CDH13: variants seen among roughly 807,000 people sequenced by gnomAD.
The protein encoded by CDH13 is cadherin-13.
A neutral mutation model predicts 63.8 loss-of-function variants in CDH13; 24 were observed. The ratio of observed to expected loss-of-function variants is 0.38; its 90% confidence interval spans 0.27 to 0.53. The LOEUF is 0.53. CDH13 is among the 20% of genes least tolerant of loss of function. The pLI is 0.85. For synonymous variants in CDH13, 503 were observed against 355.3 expected (o/e 1.42, Z -4.67); for missense variants, 1,049 against 903.1 (o/e 1.16, Z -2.07).
intron 7 of CDH13, among the ~76,000 whole-genome samples, chr16:83,514,661 G>A (rs1467413702): frequency 6.6e-6 from 1 of 152,056 alleles, no homozygotes; most frequent in Non-Finnish European, 1.5e-5. Context: ...AAAAAGAGAA[G>A]AAGAGGAGAG....
chr16:83,311,176 A>G (rs2089992082), intron 5 of CDH13, among the ~76,000 whole-genome samples: 1 of 152,172 alleles, frequency 6.6e-6, no homozygotes, highest in Non-Finnish European at 1.5e-5. Context: ...TACTTGTCAT[A>G]TGAATCAGTA....
intron 3 of CDH13, among the ~76,000 whole-genome samples, chr16:83,038,179 T>C (rs962393919): frequency 4.6e-5 from 7 of 152,218 alleles, no homozygotes; most frequent in African/African-American, 1.7e-4. Context: ...TAATCACAGT[T>C]AAGCCTATTT....
chr16:82,755,716 C>G (rs1459531092), intron 1 of CDH13, among the ~76,000 whole-genome samples: 1 of 152,184 alleles, frequency 6.6e-6, no homozygotes, highest in East Asian at 1.9e-4. Context: ...ATGAGCAAAA[C>G]TGAACCAAAC....
chr16:82,700,524 T>A (rs199577994), intron 1 of CDH13, among the ~76,000 whole-genome samples: 1 of 31,860 alleles, frequency 3.1e-5, no homozygotes, highest in East Asian at 7.5e-4. Flanking sequence ...CTAGTAAGTG[T>A]GTGTGTGTGT....
At chr16:82,896,548 G>T (rs1217540975) in intron 2 of CDH13, among the ~76,000 whole-genome samples, 3 of 151,538 alleles carry the variant, frequency 2.0e-5, no homozygotes, top group African/African-American at 7.3e-5. Context: ...CGCCTGCCTT[G>T]GCCTTCCAAA....
At chr16:83,536,274 TAGTA>T (rs2075186056) in intron 7 of CDH13, among the ~76,000 whole-genome samples, 2 of 152,052 alleles carry the variant, frequency 1.3e-5, no homozygotes, top group Non-Finnish European at 2.9e-5. Flanking sequence ...CAAATAAGCA[TAGTA>T]AGAAAGATAG....
At chr16:83,502,708 G>A (rs2074309427) in intron 7 of CDH13, among the ~76,000 whole-genome samples, 1 of 152,182 alleles carries the variant, frequency 6.6e-6, no homozygotes, top group South Asian at 2.1e-4. Context: ...TAACTCTTGG[G>A]CATGAAATAC....
At chr16:82,697,483 G>A (rs1305542555) in intron 1 of CDH13, among the ~76,000 whole-genome samples, 1 of 133,938 alleles carries the variant, frequency 7.5e-6, no homozygotes, top group Non-Finnish European at 1.6e-5. Flanking sequence ...GGGCTGGAGT[G>A]CAGTGGCGTG....
intron 1 of CDH13, among the ~76,000 whole-genome samples, chr16:82,660,523 A>G (rs1238921318): frequency 2.0e-5 from 3 of 152,156 alleles, no homozygotes; most frequent in Non-Finnish European, 2.9e-5. Flanking sequence ...CAGGGATTAA[A>G]TTCAGAGCAA....
intron 7 of CDH13, among the ~76,000 whole-genome samples, chr16:83,526,720 C>G (rs1275351826): frequency 6.6e-6 from 1 of 152,188 alleles, no homozygotes; most frequent in East Asian, 1.9e-4. Flanking sequence ...TTCACTTCCC[C>G]AGCCCAGCCT....
intron 6 of CDH13, among the ~76,000 whole-genome samples, chr16:83,416,361 C>T (rs1356021782): frequency 2.0e-5 from 3 of 152,162 alleles, no homozygotes; most frequent in Admixed American, 6.5e-5. Flanking sequence ...ATTTCAGTGG[C>T]ATTTTTTACA....
chr16:83,696,181 A>G (rs1423820935), intron 10 of CDH13, among the ~76,000 whole-genome samples: 2 of 152,134 alleles, frequency 1.3e-5, no homozygotes, highest in African/African-American at 4.8e-5. Context: ...GTGAGCCACC[A>G]CAACTGGCCT....
At chr16:83,364,824 C>G (rs569794734) in intron 6 of CDH13, among the ~76,000 whole-genome samples, 4 of 152,246 alleles carry the variant, frequency 2.6e-5, no homozygotes, top group African/African-American at 7.2e-5. Context: ...CTTCCAAACA[C>G]CACATGTTCT....
At position 83,646,571 on chromosome 16, in the gene CDH13, G is replaced by A. The variant is rs1407815397; in HGVS notation, c.1102-24219G>A. On this transcript the variant is annotated intron_variant, in intron 8 of 13. Transcript: ENST00000567109. ...TAAAACATTAGCTGGGCGTGGTGGCGCATCCCTGTAGTCCCAGCTACTCAG... is the reference window on the plus strand; with the variant it reads ...TAAAACATTAGCTGGGCGTGGTGGCACATCCCTGTAGTCCCAGCTACTCAG... Among the ~76,000 whole-genome samples the A allele has an allele frequency of 1.2e-4, 18 of 151,370 alleles. No individual in the cohort carries two copies. In the East Asian group the frequency reaches 2.2e-3, roughly 18 times the overall value.
chr16:83,226,446 C>T (rs1181504072), intron 5 of CDH13, among the ~76,000 whole-genome samples: 2 of 152,170 alleles, frequency 1.3e-5, no homozygotes, highest in African/African-American at 4.8e-5. Flanking sequence ...GTGGGAGAAC[C>T]CCACATTCCT....
intron 2 of CDH13, among the ~76,000 whole-genome samples, chr16:83,016,716 C>A (rs1442836293): frequency 6.6e-6 from 1 of 152,026 alleles, no homozygotes; most frequent in African/African-American, 2.4e-5. Flanking sequence ...CATTTCTGGA[C>A]CCTGTCCTGG....
At chr16:83,093,811 A>C (rs1348513826) in intron 3 of CDH13, among the ~76,000 whole-genome samples, 5 of 152,204 alleles carry the variant, frequency 3.3e-5, no homozygotes, top group Non-Finnish European at 7.3e-5. Context: ...TGTATAAGAC[A>C]AGAAAATAAA....
chr16:82,972,411 A>T (rs1450539696), intron 2 of CDH13, among the ~76,000 whole-genome samples: 1 of 152,142 alleles, frequency 6.6e-6, no homozygotes, highest in Non-Finnish European at 1.5e-5. Context: ...TCTGAGTCCC[A>T]TTTTGAAAGT....
At chr16:82,950,830 G>A (rs1277328275) in intron 2 of CDH13, among the ~76,000 whole-genome samples, 1 of 141,956 alleles carries the variant, frequency 7.0e-6, no homozygotes, top group African/African-American at 2.6e-5. Flanking sequence ...TTTTTTGGTG[G>A]TGGTTGGCGA....
Sources: allele counts gnomAD v4.1 joint callset (sites outside exome capture counted in the v4.1 genomes callset), GRCh38; gene constraint gnomAD v4.1.1; transcripts MANE v1.5; gene names NCBI Gene and HGNC (gene_info 2026-07-23, HGNC 2026-07-21).